The following GRM8 variants were observed in gnomAD, a reference collection of about 807,000 sequenced individuals.
GRM8 encodes metabotropic glutamate receptor 8.
Under a neutral mutation model 87.2 loss-of-function variants are expected in GRM8, and 47 were observed. That is an observed-to-expected ratio of 0.54 (90% CI 0.43 to 0.69). The LOEUF is 0.69. GRM8 is among the 30% of genes least tolerant of loss of function. The pLI is 0.00. For missense variants in GRM8, 1,019 were observed against 1,139.2 expected (o/e 0.89, Z 1.52); for synonymous variants, 396 against 404.5 (o/e 0.98, Z 0.25).
intron 9 of GRM8, among the ~76,000 whole-genome samples, chr7:126,462,115 G>A (rs1192791927): frequency 6.6e-6 from 1 of 151,508 alleles, no homozygotes; most frequent in Non-Finnish European, 1.5e-5. Context: ...AACTAGTTAT[G>A]ACTTGTTCCA....
chr7:127,039,291 T>C (rs1199491358), intron 3 of GRM8, among the ~76,000 whole-genome samples: 1 of 151,968 alleles, frequency 6.6e-6, no homozygotes, highest in Non-Finnish European at 1.5e-5. Flanking sequence ...AGGACTGGTG[T>C]TCTTATAAGA....
intron 3 of GRM8, among the ~76,000 whole-genome samples, chr7:127,035,794 G>A: frequency 6.6e-6 from 1 of 152,142 alleles, no homozygotes; most frequent in Non-Finnish European, 1.5e-5. Flanking sequence ...TTCCCGTAGA[G>A]GAGCCACACA....
intron 2 of GRM8, among the ~76,000 whole-genome samples, chr7:127,221,328 G>A (rs11772051): frequency 0.15 from 22,666 of 152,182 alleles, 2,137 homozygotes; most frequent in Non-Finnish European, 0.2. Flanking sequence ...GCCTGGGGCT[G>A]TAGACCCCGT....
intron 8 of GRM8, among the ~76,000 whole-genome samples, chr7:126,548,105 G>A (rs764845112): frequency 3.9e-5 from 6 of 151,990 alleles, no homozygotes; most frequent in Admixed American, 1.3e-4. Flanking sequence ...AGTCTAAATT[G>A]GAGAAGCCGG....
At chr7:126,942,723 A>G (rs188372670) in intron 3 of GRM8, among the ~76,000 whole-genome samples, 279 of 152,308 alleles carry the variant, frequency 1.8e-3, no homozygotes, top group Non-Finnish European at 3.3e-3. Flanking sequence ...GGTGTGGTCC[A>G]GGTCAGAAAC....
intron 3 of GRM8, among the ~76,000 whole-genome samples, chr7:126,970,889 G>A (rs888922602): frequency 6.6e-6 from 1 of 151,986 alleles, no homozygotes; most frequent in Non-Finnish European, 1.5e-5. Context: ...GGCATAGGGA[G>A]GTCCAAAGAG....
chr7:126,729,412 C>T (rs76113976), intron 7 of GRM8, among the ~76,000 whole-genome samples: 19 of 152,160 alleles, frequency 1.2e-4, no homozygotes, highest in African/African-American at 4.3e-4. Context: ...AGCTTCCTTA[C>T]CCCTTGGGTG....
rs555384200 is a variant in GRM8 at position 126,634,515 on chromosome 7, A to G, written c.1358-25017T>C. ...CTCTAGACTATTCAATCTCAATGTT[A>G]TCTTAAACCCCTATAGTATCTGGGG... On this transcript the variant is annotated intron_variant, in intron 7 of 10. Coordinates refer to ENST00000339582, the MANE Select transcript of GRM8 (RefSeq NM_000845.3). Among the ~76,000 whole-genome samples, 397 of 152,202 alleles carry G rather than the reference A, an allele frequency of 2.6e-3. 1 individual carries two copies. Among genetic ancestry groups the G allele is most frequent in the African/African-American group, 8.9e-3 (371 of 41,544 alleles).
At chr7:126,859,245 T>C (rs1482935223) in intron 6 of GRM8, among the ~76,000 whole-genome samples, 5 of 152,184 alleles carry the variant, frequency 3.3e-5, no homozygotes, top group Admixed American at 6.5e-5. Context: ...AGGTTTTTCA[T>C]TGAAATTTAT....
At chr7:126,736,352 AAG>A (rs1243684320) in intron 7 of GRM8, among the ~76,000 whole-genome samples, 3 of 152,206 alleles carry the variant, frequency 2.0e-5, no homozygotes, top group East Asian at 3.9e-4. Flanking sequence ...AACCCCCTGA[AAG>A]AGGGATCAAA....
Position 126,844,766 on chromosome 7 carries a change from C to A in GRM8, c.1156+57776G>T, listed in dbSNP as rs570909284. Among the ~76,000 whole-genome samples, 51 of 152,272 alleles carry A rather than the reference C, an allele frequency of 3.3e-4. No individual in the cohort carries two copies. In the South Asian group the frequency reaches 1.0e-2, roughly 30 times the overall value. ...TCACATGGCATTTCCTCTGCACATG[C>A]ATGGAGAGATAGAGAAAATGATCTC... On this transcript the variant is annotated intron_variant, in intron 6 of 10. Transcript: ENST00000339582.
At chr7:126,564,381 G>A (rs1585066319) in intron 8 of GRM8, among the ~76,000 whole-genome samples, 1 of 152,144 alleles carries the variant, frequency 6.6e-6, no homozygotes, top group South Asian at 2.1e-4. Flanking sequence ...CTGAACCAGA[G>A]TGAAGTCAAA....
intron 3 of GRM8, among the ~76,000 whole-genome samples, chr7:127,079,141 G>C (rs1822590053): frequency 6.6e-6 from 1 of 151,612 alleles, no homozygotes; most frequent in South Asian, 2.1e-4. Context: ...CTTTTTCTGA[G>C]ACAGAGTCTT....
chr7:126,738,363 A>G (rs1814476566), intron 7 of GRM8, among the ~76,000 whole-genome samples: 1 of 152,062 alleles, frequency 6.6e-6, no homozygotes, highest in Non-Finnish European at 1.5e-5. Flanking sequence ...AATAATTAAG[A>G]TAGGAGCAAT....
intron 3 of GRM8, among the ~76,000 whole-genome samples, chr7:126,995,692 A>G (rs1411088001): frequency 1.3e-5 from 2 of 152,158 alleles, no homozygotes; most frequent in Non-Finnish European, 2.9e-5. Flanking sequence ...GGAATAAAAA[A>G]TAATAAAGTA....
intron 6 of GRM8, among the ~76,000 whole-genome samples, chr7:126,829,935 A>G (rs1252687848): frequency 1.3e-5 from 2 of 151,950 alleles, no homozygotes; most frequent in Non-Finnish European, 2.9e-5. Flanking sequence ...TTGTCTGTGA[A>G]GTATTTTATT....
intron 2 of GRM8, among the ~76,000 whole-genome samples, chr7:127,133,145 C>T (rs1173592711): frequency 6.6e-6 from 1 of 151,062 alleles, no homozygotes; most frequent in Non-Finnish European, 1.5e-5. Flanking sequence ...TCGGGCCAAG[C>T]GCGGTGGCTC....
At chr7:126,831,660 G>A (rs948388694) in intron 6 of GRM8, among the ~76,000 whole-genome samples, 9 of 152,160 alleles carry the variant, frequency 5.9e-5, no homozygotes, top group Non-Finnish European at 8.8e-5. Context: ...TCCTGAGTGA[G>A]GCAATGCCTT....
intron 3 of GRM8, among the ~76,000 whole-genome samples, chr7:127,036,638 T>G (rs374950170): frequency 6.6e-6 from 1 of 152,142 alleles, no homozygotes; most frequent in Admixed American, 6.5e-5. Context: ...AAGTTGCCAT[T>G]TGGTTTGGTC....
Sources: gnomAD v4.1 joint callset for allele counts (sites outside exome capture counted in the v4.1 genomes callset) on GRCh38, gnomAD v4.1.1 for gene constraint, MANE v1.5 for transcripts, NCBI Gene and HGNC (gene_info 2026-07-23, HGNC 2026-07-21) for gene names.